The following DAPL1 variants were observed in gnomAD, a reference collection of about 807,000 sequenced individuals.
DAPL1 encodes death-associated protein-like 1.
A neutral mutation model predicts 12.9 loss-of-function variants in DAPL1; 17 were observed. That is an observed-to-expected ratio of 1.32 (90% CI 0.90 to 1.98). The LOEUF is 1.98. DAPL1 is among the 30% of genes most tolerant of loss of function. DAPL1 has a pLI of 0.00. For synonymous variants in DAPL1, 51 were observed against 42.0 expected (o/e 1.21, Z -0.82); for missense variants, 157 against 125.7 (o/e 1.25, Z -1.19).
In DAPL1 at chr2:158,808,094, G is replaced by T. The variant is rs932660570; in HGVS notation, c.207+979G>T. On this transcript the variant is annotated intron_variant, in intron 3 of 3. Transcript: ENST00000309950. The stretch of plus-strand genomic sequence containing the variant: ...CCCTTATTCTATGTCTAGTAGGCAG[G>T]TACATTACAGTCAAGGTAATATAGA... 3.3e-5 allele frequency among the ~76,000 whole-genome samples: 5 copies of T among 152,140 alleles called. 1 individual carries two copies. In the Middle Eastern group the frequency reaches 9.5e-3, roughly 289 times the overall value.
In DAPL1 at chr2:158,804,384, T is replaced by G; in HGVS notation, c.146+15T>G. 6.3e-7 allele frequency: 1 copy of G among 1,578,836 alleles called. No individual in the cohort carries two copies. The highest frequency in any genetic ancestry group is 8.7e-7 in the Non-Finnish European group (1 of 1,154,122). On this transcript the variant is annotated intron_variant, in intron 2 of 3. Transcript: ENST00000309950. Reference sequence around the variant, plus strand: ...GAGAAAACAAGGTAGGGACTCTTAATTTTTCTCCATCACCTTGAGGAGTTT... The same window carrying G: ...GAGAAAACAAGGTAGGGACTCTTAAGTTTTCTCCATCACCTTGAGGAGTTT...
At chr2:158,813,806 T>C (rs544321611) in intron 3 of DAPL1, among the ~76,000 whole-genome samples, 198 of 152,294 alleles carry the variant, frequency 1.3e-3, no homozygotes, top group Non-Finnish European at 1.8e-3. Flanking sequence ...CCGCCCGCCT[T>C]GGCCTCCCAA....
intron 3 of DAPL1, among the ~76,000 whole-genome samples, chr2:158,810,464 A>C (rs1007713891): frequency 6.6e-6 from 1 of 152,196 alleles, no homozygotes; most frequent in East Asian, 1.9e-4. Flanking sequence ...ACTCCTCTCC[A>C]TAGGAACTCA....
At chr2:158,808,570 T>C (rs2059213912) in intron 3 of DAPL1, among the ~76,000 whole-genome samples, 1 of 152,280 alleles carries the variant, frequency 6.6e-6, no homozygotes, top group Non-Finnish European at 1.5e-5. Flanking sequence ...TGATGAGCCA[T>C]AGCTACAGAG....
chr2:158,799,018 G>A (rs2059151104), intron 1 of DAPL1, among the ~76,000 whole-genome samples: 1 of 152,070 alleles, frequency 6.6e-6, no homozygotes, highest in Non-Finnish European at 1.5e-5. Context: ...ATCTTAGCTG[G>A]AAAATTATTA....
chr2:158,812,533 A>G (rs978153528), intron 3 of DAPL1, among the ~76,000 whole-genome samples: 27 of 152,140 alleles, frequency 1.8e-4, no homozygotes, highest in Non-Finnish European at 2.9e-5. Context: ...GTGGCTCATA[A>G]CTAGAATCCT....
At chr2:158,805,752 G>A (rs1318095523) in intron 2 of DAPL1, among the ~76,000 whole-genome samples, 1 of 148,636 alleles carries the variant, frequency 6.7e-6, no homozygotes, top group African/African-American at 2.4e-5. Flanking sequence ...AGAGTAATAA[G>A]ATGGTGATTG....
At chr2:158,811,955 A>G (rs2059233122) in intron 3 of DAPL1, among the ~76,000 whole-genome samples, 1 of 152,200 alleles carries the variant, frequency 6.6e-6, no homozygotes, top group Non-Finnish European at 1.5e-5. Context: ...TCTACCACAA[A>G]GAATTAGTAC....
In DAPL1 at chr2:158,808,687, C is replaced by A. The variant is rs190406792; in HGVS notation, c.207+1572C>A. Among the ~76,000 whole-genome samples, 5 of 152,266 alleles carry A rather than the reference C, an allele frequency of 3.3e-5. 1 individual carries two copies. The highest frequency in any genetic ancestry group is 3.3e-4 in the Admixed American group (5 of 15,298). On this transcript the variant is annotated intron_variant, in intron 3 of 3. Coordinates refer to ENST00000309950, the MANE Select transcript of DAPL1 (RefSeq NM_001017920.3). ...AGAGGCAGGGCTGGTGCATGACACC[C>A]TGTAACATAAGCTGCCTGCTCCCAC...
At chr2:158,803,739 G>A (rs183636599) in intron 1 of DAPL1, among the ~76,000 whole-genome samples, 1 of 152,144 alleles carries the variant, frequency 6.6e-6, no homozygotes, top group South Asian at 2.1e-4. Context: ...TTTGGGGTCT[G>A]GATGGAAGGT....
intron 2 of DAPL1, among the ~76,000 whole-genome samples, chr2:158,805,444 C>A (rs773670385): frequency 2.6e-5 from 4 of 152,118 alleles, no homozygotes. Flanking sequence ...TAGGACAGTT[C>A]CTAGAATAGT....
At chr2:158,806,685 A>T (rs1169433818) in intron 2 of DAPL1, among the ~76,000 whole-genome samples, 6 of 151,886 alleles carry the variant, frequency 4.0e-5, no homozygotes. Context: ...AAATACAAAA[A>T]ATTAACCAGG....
intron 3 of DAPL1, among the ~76,000 whole-genome samples, chr2:158,809,999 G>T (rs1189443629): frequency 6.6e-6 from 1 of 152,160 alleles, no homozygotes; most frequent in African/African-American, 2.4e-5. Flanking sequence ...GATTACAAAT[G>T]ACCAGAGGAA....
chr2:158,809,344 C>A (rs374537420), intron 3 of DAPL1, among the ~76,000 whole-genome samples: 1,479 of 30,186 alleles, frequency 0.049, 28 homozygotes, highest in African/African-American at 0.14. Context: ...GGTGACAGAG[C>A]GAGACTCCAT....
At position 158,795,318 on chromosome 2, in the gene DAPL1, C is replaced by T; in HGVS notation, c.-55C>T. ...AGCCGGTGCGGTGGTGGGGCAGCCA[C>T]AGCTGGCATTCAGCCTCCAGAGCAC... On this transcript the variant is annotated 5_prime_UTR_variant, in exon 1 of 4. Coordinates refer to ENST00000309950, the MANE Select transcript of DAPL1 (RefSeq NM_001017920.3). 1 of 1,547,158 alleles carries T rather than the reference C, an allele frequency of 6.5e-7. No individual in the cohort carries two copies. Among genetic ancestry groups the T allele is most frequent in the Non-Finnish European group, 8.7e-7 (1 of 1,143,020 alleles).
At chr2:158,801,775 A>T (rs1444527569) in intron 1 of DAPL1, among the ~76,000 whole-genome samples, 1 of 152,228 alleles carries the variant, frequency 6.6e-6, no homozygotes, top group Non-Finnish European at 1.5e-5. Context: ...TGACAAGGTC[A>T]TATAAAAACA....
At chr2:158,810,524 C>T (rs1320658382) in intron 3 of DAPL1, among the ~76,000 whole-genome samples, 1 of 152,228 alleles carries the variant, frequency 6.6e-6, no homozygotes, top group Non-Finnish European at 1.5e-5. Context: ...CTACTCATCT[C>T]TGAATTCCTA....
chr2:158,798,592 G>T (rs770499083), intron 1 of DAPL1, among the ~76,000 whole-genome samples: 1 of 152,128 alleles, frequency 6.6e-6, no homozygotes, highest in South Asian at 2.1e-4. Context: ...ACGGAAGAGT[G>T]AACGGAGACT....
intron 3 of DAPL1, among the ~76,000 whole-genome samples, chr2:158,813,228 G>A (rs947775013): frequency 6.6e-6 from 1 of 152,146 alleles, no homozygotes; most frequent in Non-Finnish European, 1.5e-5. Context: ...CAGGGGCTTG[G>A]AGGAGGAGGG....
Sources: allele counts gnomAD v4.1 joint callset (sites outside exome capture counted in the v4.1 genomes callset), GRCh38; gene constraint gnomAD v4.1.1; transcripts MANE v1.5; gene names NCBI Gene and HGNC (gene_info 2026-07-23, HGNC 2026-07-21).